Variants in ZNF32 observed in about 807,000 individuals in gnomAD.
ZNF32 encodes the protein C2H2-546.
A neutral mutation model predicts 24.4 loss-of-function variants in ZNF32; 13 were observed. The ratio of observed to expected loss-of-function variants is 0.53; its 90% CI spans 0.35 to 0.85. The LOEUF (loss-of-function observed/expected upper bound fraction) is 0.85. ZNF32 is among the 40% of genes least tolerant of loss of function. ZNF32 has a pLI of 0.01. For synonymous variants in ZNF32, 115 were observed against 117.4 expected, an observed-to-expected ratio of 0.98 and a Z score of 0.13; for missense variants, 239 against 325.3, an observed-to-expected ratio of 0.73 and a Z score of 2.04.
intron 1 of ZNF32, among the ~76,000 whole-genome samples, chr10:43,646,463 G>A (rs765589661): frequency 1.6e-4 from 24 of 152,148 alleles, no homozygotes; most frequent in Non-Finnish European, 3.1e-4. Flanking sequence ...CAAGTTAATA[G>A]TCACTCCTGT....
rs1253448351 is a variant in ZNF32 at position 43,645,899 on chromosome 10, A to G, written c.70+165T>C. On this transcript the variant is annotated intron_variant, in intron 2 of 2. Transcript: ENST00000374433. ...ATGGTTCTCTTGCTCTGTTTCTACT[A>G]TTACTTCTAACTCCAGCTCACAGGC... is the stretch of plus-strand genomic sequence containing the variant. 37 of 1,384,800 alleles carry G rather than the reference A, an allele frequency of 2.7e-5. No homozygotes were observed. In the Admixed American group the frequency reaches 1.2e-3, roughly 44 times the overall value. 85.8% of individuals were successfully genotyped at this position (1,384,800 alleles called of 1,614,324 possible). A position where few individuals can be genotyped will look rare whatever the true frequency, so the allele number is the denominator to read the frequency against.
At chr10:43,647,658 C>T (rs1839353579) in intron 1 of ZNF32, 1 of 152,192 alleles carries the variant, frequency 6.6e-6, no homozygotes, top group Non-Finnish European at 1.5e-5. Context: ...GACTCACTTC[C>T]AACTTGGAAC....
chr10:43,644,756 G>A lies in ZNF32; in HGVS notation c.116C>T (p.Thr39Ile), dbSNP rs752783595. 2.5e-5 allele frequency: 41 copies of A among 1,612,980 alleles called. No homozygotes were observed. The highest frequency in any genetic ancestry group is 3.5e-5 in the Non-Finnish European group (41 of 1,179,512). ...AHHKYDHSEA[T>I]GSSSWDIQNS... ...TTGGATATCCCAGCTTGAGGATCCT[G>A]TAGCCTCAGAGTGGTCATATTTGTG... Residue 39 changes from threonine (T) to isoleucine (I), a missense_variant, in exon 3 of 3, where the codon ACA becomes ATA. Thr to Ile is a moderately conservative substitution (Grantham distance 89). Transcript: ENST00000374433. This position sits in a 1 kb window ranked among gnomAD's most constrained non-coding sequence, Gnocchi z 5.3.
At position 43,644,658 on chromosome 10, in the gene ZNF32, C is replaced by A. The variant is rs1454936993; in HGVS notation, c.214G>T (p.Val72Leu). Residue 72 changes from valine (V) to leucine (L), a missense_variant, in exon 3 of 3, where the codon GTG becomes TTG. Val to Leu is a conservative substitution (Grantham distance 32). Transcript: ENST00000374433. The surrounding 1 kb of genome is among the most constrained non-coding windows in gnomAD (Gnocchi z 5.3). ...TGGCACTCATAGACCCTTTGTCTCA[C>A]TCCAGGTGAATCTTCCTGTAGTGTC... ...SKTLQEDSPG[V>L]RQRVYECQEC... is the part of the protein sequence containing the mutation. The A allele has an allele frequency of 1.2e-6, 2 of 1,614,084 alleles. No homozygotes were observed. Among genetic ancestry groups the A allele is most frequent in the African/African-American group, 2.7e-5 (2 of 74,926 alleles).
rs867922749 is a variant in ZNF32, at chr10:43,644,890, T to C, written c.71-89A>G. The C allele has an allele frequency of 4.2e-6, 6 of 1,413,892 alleles. No individual in the cohort carries two copies. The highest frequency in any genetic ancestry group is 5.2e-4 in the Middle Eastern group (2 of 3,856). The allele number at this position is 1,413,892 out of a possible 1,614,324, so 87.6% of individuals were successfully genotyped here. A position where few individuals can be genotyped will look rare whatever the true frequency, so the allele number is the denominator to read the frequency against. On this transcript the variant is annotated intron_variant, in intron 2 of 2. Coordinates refer to ENST00000374433, the MANE Select transcript of ZNF32 (RefSeq NM_006973.3). This position sits in a 1 kb window ranked among gnomAD's most constrained non-coding sequence, Gnocchi z 5.3. ...AGAAACATAATACTTTGAGTGCTTA[T>C]GATGTGCCAGGCCTTATTCTTTGCA...
rs1839279688 is a variant in ZNF32 at position 43,646,153 on chromosome 10, C to T, written c.-20G>A. ...AAACATGTCCACTCCTGCTTACGAC[C>T]TCAGTCACCACCTCTTCATATGATT... is the stretch of plus-strand genomic sequence containing the variant. On this transcript the variant is annotated 5_prime_UTR_variant, in exon 2 of 3. Coordinates refer to ENST00000374433, the MANE Select transcript of ZNF32 (RefSeq NM_006973.3). 1.9e-6 allele frequency: 3 copies of T among 1,613,744 alleles called. No individual in the cohort carries two copies. The highest frequency in any genetic ancestry group is 2.5e-6 in the Non-Finnish European group (3 of 1,179,768).
At chr10:43,645,392 C>A (rs1019709188) in intron 2 of ZNF32, among the ~76,000 whole-genome samples, 1 of 152,216 alleles carries the variant, frequency 6.6e-6, no homozygotes, top group African/African-American at 2.4e-5. Flanking sequence ...GCACCATGAC[C>A]TCAGAAAATA....
intron 1 of ZNF32, among the ~76,000 whole-genome samples, chr10:43,646,919 T>C (rs1839316946): frequency 6.6e-6 from 1 of 152,230 alleles, no homozygotes. Context: ...AAATGTATGC[T>C]CTTACATTAG....
rs768799080 is a variant in ZNF32, at chr10:43,644,489, G to A, written c.383C>T (p.Thr128Met). The part of the protein sequence containing the change: ...GNLVTHQRIH[T>M]GEKPYQCKEC... Reference sequence around the variant, plus strand: ...CTTGCACTGATAAGGCTTCTCTCCCGTGTGTATCCGTTGATGTGTAACAAG... The same window carrying A: ...CTTGCACTGATAAGGCTTCTCTCCCATGTGTATCCGTTGATGTGTAACAAG... The change falls in exon 3 of 3, where the codon ACG becomes ATG. Residue 128 changes from threonine (T) to methionine (M), a missense_variant. Physicochemically the swap from Thr to Met is moderately conservative, Grantham distance 81. Transcript: ENST00000374433. This position sits in a 1 kb window ranked among gnomAD's most constrained non-coding sequence, Gnocchi z 5.3. The A allele has an allele frequency of 8.1e-6, 13 of 1,614,058 alleles. No individual in the cohort carries two copies. The highest frequency in any genetic ancestry group is 2.7e-5 in the African/African-American group (2 of 74,928).
At chr10:43,645,436 T>C (rs1183944762) in intron 2 of ZNF32, among the ~76,000 whole-genome samples, 1 of 152,190 alleles carries the variant, frequency 6.6e-6, no homozygotes, top group Non-Finnish European at 1.5e-5. Flanking sequence ...ACATCTATCA[T>C]TGCTAATCCC....
rs1839200325 is a variant in ZNF32, at chr10:43,644,159, A to AT, written c.712dup (p.Ile238AsnfsTer57). On this transcript the variant is annotated frameshift_variant, in exon 3 of 3. Coordinates refer to ENST00000374433, the MANE Select transcript of ZNF32 (RefSeq NM_006973.3). LOFTEE classifies it high-confidence loss of function. The surrounding 1 kb of genome is among the most constrained non-coding windows in gnomAD (Gnocchi z 5.3). Reference sequence around the variant, plus strand: ...CAGATAGGGTGTCTCTCCTGTGTGGATTTTGCCATGCAGAATACAATTCCC... The same window carrying AT: ...CAGATAGGGTGTCTCTCCTGTGTGGATTTTTGCCATGCAGAATACAATTCCC... 2 of 1,614,138 alleles carry AT rather than the reference A, an allele frequency of 1.2e-6. No homozygotes were observed. Among genetic ancestry groups the AT allele is most frequent in the Admixed American group, 1.7e-5 (1 of 60,014 alleles).
In ZNF32 at chr10:43,643,987, T is replaced by G. The variant is rs944621797; in HGVS notation, c.*63A>C. The G allele has an allele frequency of 8.0e-6, 12 of 1,506,824 alleles. No homozygotes were observed. The African/African-American group carries it at 1.7e-4, about 21-fold the overall frequency. 93.3% of individuals were successfully genotyped at this position (1,506,824 alleles called of 1,614,324 possible). On this transcript the variant is annotated 3_prime_UTR_variant, in exon 3 of 3. Coordinates refer to ENST00000374433, the MANE Select transcript of ZNF32 (RefSeq NM_006973.3). Reference sequence around the variant, plus strand: ...ATTCATTCCATAGAACTGGATAGGTTGCTTCATCTCAGAGGATTTTGTACT... The same window carrying G: ...ATTCATTCCATAGAACTGGATAGGTGGCTTCATCTCAGAGGATTTTGTACT...
At chr10:43,646,382 A>G (rs113335127) in intron 1 of ZNF32, 180 bp from the exon 2 acceptor site, 3 of 476,422 alleles carry the variant, frequency 6.3e-6, no homozygotes, top group African/African-American at 3.9e-5. Context: ...ACCACACACA[A>G]ATGAGTCTAG....
intron 1 of ZNF32, chr10:43,648,570 C>T (rs1564493322): frequency 6.6e-6 from 1 of 152,164 alleles, no homozygotes; most frequent in South Asian, 2.1e-4. Flanking sequence ...ACCGGGCCCG[C>T]CCTGCGTCCT....
intron 2 of ZNF32, among the ~76,000 whole-genome samples, chr10:43,645,595 T>G (rs1839260159): frequency 6.6e-6 from 1 of 152,214 alleles, no homozygotes; most frequent in South Asian, 2.1e-4. Context: ...ATCCTTGCTA[T>G]TTTCAGTCTA....
chr10:43,648,402 C>G (rs2132386076), intron 1 of ZNF32, among the ~76,000 whole-genome samples: 1 of 152,272 alleles, frequency 6.6e-6, no homozygotes, highest in South Asian at 2.1e-4. Context: ...TGCCTCTCCT[C>G]CCACCCCGGA....
rs763342987 is a variant in ZNF32, at chr10:43,644,516, T to C, written c.356A>G (p.Asn119Ser). 1.5e-5 allele frequency: 25 copies of C among 1,614,096 alleles called. No individual in the cohort carries two copies. The highest frequency in any genetic ancestry group is 1.1e-4 in the African/African-American group (8 of 74,922). Reference protein sequence around the residue: ...HCGKSFRAKGNLVTHQRIHTG... With the variant: ...HCGKSFRAKGSLVTHQRIHTG... ...GTGTATCCGTTGATGTGTAACAAGA[T>C]TGCCTTTGGCCCTGAAGCTTTTTCC... is the stretch of plus-strand genomic sequence containing the variant. The change falls in exon 3 of 3, where the codon AAT (asparagine) becomes AGT (serine). Residue 119 changes from asparagine (N) to serine (S), a missense_variant. By Grantham distance (46) the Asn-to-Ser change is conservative. Coordinates refer to ENST00000374433, the MANE Select transcript of ZNF32 (RefSeq NM_006973.3). The surrounding 1 kb of genome is among the most constrained non-coding windows in gnomAD (Gnocchi z 5.3).
chr10:43,645,419 G>C (rs571924924), intron 2 of ZNF32, among the ~76,000 whole-genome samples: 17 of 152,286 alleles, frequency 1.1e-4, no homozygotes, highest in Admixed American at 8.5e-4. Flanking sequence ...ACAATCCTGG[G>C]TACTTTACAT....
At position 43,644,007 on chromosome 10, in the gene ZNF32, TG is replaced by T; in HGVS notation, c.*42del. ...TAGGTTGCTTCATCTCAGAGGATTTTGTACTCTTAATTCATAAAGAGAACTT... is the reference window on the plus strand; with the variant it reads ...TAGGTTGCTTCATCTCAGAGGATTTTTACTCTTAATTCATAAAGAGAACTT... On this transcript the variant is annotated 3_prime_UTR_variant, in exon 3 of 3. Coordinates refer to ENST00000374433, the MANE Select transcript of ZNF32 (RefSeq NM_006973.3). The surrounding 1 kb of genome is among the most constrained non-coding windows in gnomAD (Gnocchi z 5.3). 6.4e-7 allele frequency: 1 copy of T among 1,552,846 alleles called. No individual in the cohort carries two copies. The highest frequency in any genetic ancestry group is 8.7e-7 in the Non-Finnish European group (1 of 1,152,706).
Sources: allele counts gnomAD v4.1 joint callset (sites outside exome capture counted in the v4.1 genomes callset), GRCh38; gene constraint gnomAD v4.1.1; non-coding constraint Gnocchi (gnomAD v3.1); transcripts MANE v1.5; gene names NCBI Gene and HGNC (gene_info 2026-07-23, HGNC 2026-07-21).